The following PIEZO1 variants were observed in gnomAD, a reference collection of about 807,000 sequenced individuals.
PIEZO1 encodes piezo type mechanosensitive ion channel component 1 (Er blood group), also known as piezo-type mechanosensitive ion channel component 1.
Under a neutral mutation model 297.2 loss-of-function variants are expected in PIEZO1, and 296 were observed. The observed-to-expected ratio is 1.00, with a 90% CI of 0.91 to 1.10. PIEZO1 has a LOEUF of 1.10. PIEZO1 is among the 50% of genes least tolerant of loss of function. The probability of loss-of-function intolerance (pLI) is 0.00; values close to 1 mark genes in which losing one functional copy is unlikely to be tolerated. For missense variants in PIEZO1, 5,018 were observed against 3,455.5 expected, an observed-to-expected ratio of 1.45 and a Z score of -11.34; for synonymous variants, 2,427 against 1,507.5, an observed-to-expected ratio of 1.61 and a Z score of -14.13.
At chr16:88,762,385 A>C (rs1906972597) in intron 1 of PIEZO1, among the ~76,000 whole-genome samples, 1 of 152,096 alleles carries the variant, frequency 6.6e-6, no homozygotes, top group Non-Finnish European at 1.5e-5. Flanking sequence ...CTTTCCTGCC[A>C]CCCTTGGATC....
chr16:88,733,767 T>C, intron 17 of PIEZO1, 22 bp from the exon 18 acceptor site: 5 of 1,511,406 alleles, frequency 3.3e-6, no homozygotes, highest in Non-Finnish European at 3.6e-6. Context: ...TGAGGGTCAG[T>C]GCGGGGCACA....
intron 1 of PIEZO1, among the ~76,000 whole-genome samples, chr16:88,762,627 GGGCAGCCTCTCGGGTCTCCC>G (rs1906985020): frequency 6.6e-6 from 1 of 152,210 alleles, no homozygotes; most frequent in African/African-American, 2.4e-5. Flanking sequence ...GGCAAGGAAG[GGGCAGCCTCTCGGGTCTCCC>G]GGCAGCCCAC....
intron 25 of PIEZO1, 28 bp from the exon 26 acceptor site, chr16:88,726,671 A>AGCGGGGCCG (rs2142785934): frequency 7.0e-7 from 1 of 1,434,962 alleles, no homozygotes; most frequent in Non-Finnish European, 9.3e-7. Context: ...CAGCGGGGCC[A>AGCGGGGCCG]GCGGGGCCCC....
At position 88,734,996 on chromosome 16, in the gene PIEZO1, TAC is replaced by T; in HGVS notation, c.1725_1726del (p.Tyr576ArgfsTer200). 6.4e-7 allele frequency: 1 copy of T among 1,550,534 alleles called. No homozygotes were observed. The highest frequency in any genetic ancestry group is 8.7e-7 in the Non-Finnish European group (1 of 1,146,984). On this transcript the variant is annotated frameshift_variant, in exon 14 of 51. Coordinates refer to ENST00000301015, the MANE Select transcript of PIEZO1 (RefSeq NM_001142864.4). LOFTEE classifies it high-confidence loss of function. Reference sequence around the variant, plus strand: ...ACACACATAGATCCAGTACTTGGCGTACACGCCCTTCACCAGCTCCCCCAGGC... The same window carrying T: ...ACACACATAGATCCAGTACTTGGCGTACGCCCTTCACCAGCTCCCCCAGGC...
In PIEZO1 at chr16:88,751,246, C is replaced by T. The variant is rs1172118829; in HGVS notation, c.65-1767G>A. Among the ~76,000 whole-genome samples the T allele has an allele frequency of 3.9e-5, 6 of 152,222 alleles. No individual in the cohort carries two copies. The East Asian group carries it at 1.2e-3, about 29-fold the overall frequency. On this transcript the variant is annotated intron_variant, in intron 1 of 50. Transcript: ENST00000301015. ...GCGCAGGGCAGAGGGAGACCCCGAC[C>T]TCCACGGACAGCACAGGAGGCCGGG...
intron 1 of PIEZO1, among the ~76,000 whole-genome samples, chr16:88,756,663 G>C (rs1207277570): frequency 6.6e-6 from 1 of 152,152 alleles, no homozygotes; most frequent in Non-Finnish European, 1.5e-5. Flanking sequence ...AGCTACTTGG[G>C]AGGCTGAGGC....
chr16:88,784,888 GCCCC>G lies in PIEZO1; in HGVS notation c.64+9_64+12del. ...CCCCTCCCGTCGCCCCCAGGCGCCC[GCCCC>G]CCACTCACCAGCCAGCAGCGCGCAG... is the stretch of plus-strand genomic sequence containing the variant. On this transcript the variant is annotated intron_variant, in intron 1 of 50. Coordinates refer to ENST00000301015, the MANE Select transcript of PIEZO1 (RefSeq NM_001142864.4). The G allele has an allele frequency of 7.0e-7, 1 of 1,422,874 alleles. No individual in the cohort carries two copies. Among genetic ancestry groups the G allele is most frequent in the Non-Finnish European group, 9.2e-7 (1 of 1,081,694 alleles). The allele number at this position is 1,422,874 out of a possible 1,614,324, so 88.1% of individuals were successfully genotyped here.
chr16:88,722,819 G>A lies in PIEZO1; in HGVS notation c.4668+18C>T, dbSNP rs1383101771. On this transcript the variant is annotated intron_variant, in intron 34 of 50. Coordinates refer to ENST00000301015, the MANE Select transcript of PIEZO1 (RefSeq NM_001142864.4). ...GTCAGGCAGAGCAGGGACGAGCGTG[G>A]TGCACGGGCAGGCTCACCTGCAGGA... 2.6e-6 allele frequency: 4 copies of A among 1,541,906 alleles called. No homozygotes were observed. Among genetic ancestry groups the A allele is most frequent in the Non-Finnish European group, 3.5e-6 (4 of 1,145,960 alleles).
chr16:88,782,073 G>A (rs16964988), intron 1 of PIEZO1, among the ~76,000 whole-genome samples: 5,240 of 152,318 alleles, frequency 0.034, 153 homozygotes, highest in African/African-American at 0.077. Flanking sequence ...AGAACTGGAG[G>A]TGCGGTCCCA....
In PIEZO1 at chr16:88,717,089, G is replaced by T. The variant is rs921711053; in HGVS notation, c.6594C>A (p.Arg2198=). The T allele has an allele frequency of 6.4e-7, 1 of 1,551,248 alleles. No homozygotes were observed. Residue 2198 remains arginine, a synonymous_variant, in exon 45 of 51, where the codon CGC becomes CGA. Transcript: ENST00000301015. The part of the protein sequence containing the change: ...WFPLLFMSLV[R]SVVGVVNQPI... Reference sequence around the variant, plus strand: ...GCTGGTTGACAACCCCAACCACGGAGCGCACCAGCGACATGAAGAGCAGTG... The same window carrying T: ...GCTGGTTGACAACCCCAACCACGGATCGCACCAGCGACATGAAGAGCAGTG...
At chr16:88,759,264 C>T (rs553008516) in intron 1 of PIEZO1, among the ~76,000 whole-genome samples, 15 of 152,332 alleles carry the variant, frequency 9.8e-5, no homozygotes, top group African/African-American at 2.9e-4. Context: ...GCCTCCTGGC[C>T]GGGGCAGGCA....
rs1281014671 is a variant in PIEZO1 at position 88,721,643 on chromosome 16, C to T, written c.5298G>A (p.Lys1766=). Residue 1766 remains lysine (K), a synonymous_variant, in exon 38 of 51, where the codon AAG becomes AAA. Coordinates refer to ENST00000301015, the MANE Select transcript of PIEZO1 (RefSeq NM_001142864.4). ...SHVVLRRYEN[K]PYFPPRILGL... ...CCAGGATGCGGGGCGGGAAGTAGGG[C>T]TTGTTCTCGTAGCGCCGCAGCACCA... 1.9e-6 allele frequency: 3 copies of T among 1,550,082 alleles called. No homozygotes were observed. The highest frequency in any genetic ancestry group is 2.4e-5 in the East Asian group (1 of 40,928).
Position 88,736,385 on chromosome 16 carries a change from G to A in PIEZO1, c.1320C>T (p.Ser440=). Residue 440 remains serine (S), a synonymous_variant, in exon 12 of 51, where the codon AGC becomes AGT. Transcript: ENST00000301015. ...AMMVWSITYH[S]WLTFVLLLWA... is the part of the protein sequence containing the mutation. ...AGAGCAGCAGTACGAAGGTCAGCCA[G>A]CTGTGGTAGGTGATGCTCCATACCT... 6.5e-7 allele frequency: 1 copy of A among 1,549,336 alleles called. No homozygotes were observed. Among genetic ancestry groups the A allele is most frequent in the Non-Finnish European group, 8.7e-7 (1 of 1,146,696 alleles).
At chr16:88,722,797 A>C in intron 34 of PIEZO1, 40 bp downstream of exon 34, 1 of 1,535,552 alleles carries the variant, frequency 6.5e-7, no homozygotes, top group Non-Finnish European at 8.7e-7. Context: ...GGGCGTAGTC[A>C]GGCAGAGCAG....
chr16:88,737,439 G>A, intron 10 of PIEZO1, 120 bp downstream of exon 10: 5 of 667,394 alleles, frequency 7.5e-6, no homozygotes, highest in Non-Finnish European at 1.2e-5. Context: ...GGCCCCCGAG[G>A]GGGCGGCAGG....
intron 2 of PIEZO1, among the ~76,000 whole-genome samples, chr16:88,747,945 C>T (rs1429943634): frequency 1.3e-5 from 2 of 152,310 alleles, no homozygotes; most frequent in East Asian, 3.9e-4. Flanking sequence ...GGAAGCAGAT[C>T]CTCCCCAGAG....
intron 30 of PIEZO1, among the ~76,000 whole-genome samples, chr16:88,724,220 G>A (rs1481945817): frequency 6.6e-6 from 1 of 152,234 alleles, no homozygotes; most frequent in Non-Finnish European, 1.5e-5. Context: ...AAACCCAGGA[G>A]GCTGTGTGAG....
At chr16:88,748,765 A>G (rs1473179121) in intron 2 of PIEZO1, among the ~76,000 whole-genome samples, 4 of 152,064 alleles carry the variant, frequency 2.6e-5, no homozygotes, top group South Asian at 4.2e-4. Flanking sequence ...GGGGTCTACA[A>G]TGAAAATAAG....
At chr16:88,766,597 G>A (rs1907191345) in intron 1 of PIEZO1, among the ~76,000 whole-genome samples, 1 of 152,200 alleles carries the variant, frequency 6.6e-6, no homozygotes, top group Non-Finnish European at 1.5e-5. Flanking sequence ...CCTGGGCCCA[G>A]CTGACTGAGC....
Sources: allele counts gnomAD v4.1 joint callset (sites outside exome capture counted in the v4.1 genomes callset), GRCh38; gene constraint gnomAD v4.1.1; transcripts MANE v1.5; gene names NCBI Gene and HGNC (gene_info 2026-07-23, HGNC 2026-07-21).